DLG2: variants seen among roughly 807,000 people sequenced by gnomAD.
DLG2 encodes disks large homolog 2.
In DLG2, 45 loss-of-function variants were observed where a neutral mutation model predicts 132.5. That is an observed-to-expected ratio of 0.34 (90% CI 0.27 to 0.44). DLG2 has a LOEUF of 0.44. Ranked by LOEUF, DLG2 falls within the 20% of genes least tolerant of loss-of-function variation. The pLI, the probability that DLG2 is intolerant of heterozygous loss-of-function variation, is 1.00. For missense variants in DLG2, 1,045 were observed against 1,196.9 expected, an observed-to-expected ratio of 0.87 and a Z score of 1.87; for synonymous variants, 424 against 419.6, an observed-to-expected ratio of 1.01 and a Z score of -0.13.
At chr11:85,230,970 GC>G (rs1214674390) in intron 4 of DLG2, among the ~76,000 whole-genome samples, 1 of 151,912 alleles carries the variant, frequency 6.6e-6, no homozygotes, top group Non-Finnish European at 1.5e-5. Flanking sequence ...TACCAAATCT[GC>G]TGGAACTTTG....
At position 83,906,077 on chromosome 11, in the gene DLG2, CTCTCTA is replaced by C. The variant is rs1439671552; in HGVS notation, c.1496+24245_1496+24250del. 8.4e-3 allele frequency among the ~76,000 whole-genome samples: 817 copies of C among 97,090 alleles called. 4 individuals are homozygous for C. Among genetic ancestry groups the C allele is most frequent in the African/African-American group, 0.014 (294 of 21,414 alleles). 63.7% of individuals were successfully genotyped at this position (97,090 alleles called of 152,430 possible). A position where few individuals can be genotyped will look rare whatever the true frequency, so the allele number is the denominator to read the frequency against. On this transcript the variant is annotated intron_variant, in intron 15 of 27. Coordinates refer to ENST00000376104, the MANE Select transcript of DLG2 (RefSeq NM_001142699.3). The stretch of plus-strand genomic sequence containing the variant: ...TGTCTCTCTCTCTCTCTCTCTCTCT[CTCTCTA>C]TATATATATATATATATATATACAT...
chr11:84,986,309 A>G (rs1233312285), intron 6 of DLG2, among the ~76,000 whole-genome samples: 1 of 152,180 alleles, frequency 6.6e-6, no homozygotes, highest in Non-Finnish European at 1.5e-5. Flanking sequence ...ATGGTAATTT[A>G]AAAAACTCCA....
intron 5 of DLG2, among the ~76,000 whole-genome samples, chr11:85,152,855 G>C (rs1021933200): frequency 1.3e-5 from 2 of 152,160 alleles, no homozygotes; most frequent in Non-Finnish European, 2.9e-5. Flanking sequence ...CCCACCCATT[G>C]TGGTACTTGC....
At chr11:84,146,026 C>A (rs1351940261) in intron 9 of DLG2, among the ~76,000 whole-genome samples, 1 of 152,164 alleles carries the variant, frequency 6.6e-6, no homozygotes, top group Admixed American at 6.6e-5. Flanking sequence ...TTTGCACACA[C>A]AAAAGCCAGC....
intron 7 of DLG2, among the ~76,000 whole-genome samples, chr11:84,430,261 C>A (rs934560323): frequency 7.2e-5 from 11 of 151,868 alleles, no homozygotes; most frequent in African/African-American, 2.2e-4. Flanking sequence ...CATGGTGAAA[C>A]CCCATCTCTA....
At chr11:84,603,623 T>G (rs1240235811) in intron 6 of DLG2, among the ~76,000 whole-genome samples, 1 of 151,988 alleles carries the variant, frequency 6.6e-6, no homozygotes, top group Non-Finnish European at 1.5e-5. Flanking sequence ...TTCCTAGTTC[T>G]CAATCTCTGA....
intron 6 of DLG2, among the ~76,000 whole-genome samples, chr11:84,701,136 T>A (rs2153741896): frequency 6.6e-6 from 1 of 151,748 alleles, no homozygotes. Flanking sequence ...TGACTTAGAC[T>A]TTTTCTCCTG....
intron 7 of DLG2, among the ~76,000 whole-genome samples, chr11:84,499,835 G>T (rs1481003002): frequency 1.3e-5 from 2 of 151,846 alleles, no homozygotes; most frequent in African/African-American, 2.4e-5. Context: ...ATATCTGCTT[G>T]TCTGGCATAG....
chr11:84,923,184 C>T lies in DLG2; in HGVS notation c.357+188477G>A. 1 of 1,609,982 alleles carries T rather than the reference C, an allele frequency of 6.2e-7. No individual in the cohort carries two copies. On this transcript the variant is annotated intron_variant, in intron 6 of 27. Transcript: ENST00000376104. The stretch of plus-strand genomic sequence containing the variant: ...CAGCACAGCGCAAGCCCCACACACA[C>T]GATCCTGGGCATGTGCTACTAAAGA...
intron 4 of DLG2, among the ~76,000 whole-genome samples, chr11:85,277,983 C>T (rs117706103): frequency 3.9e-5 from 6 of 152,126 alleles, no homozygotes; most frequent in Non-Finnish European, 1.5e-5. Context: ...TGGCTCACAA[C>T]GACCTGAAGA....
At chr11:84,233,702 T>A (rs1385319967) in intron 8 of DLG2, among the ~76,000 whole-genome samples, 1 of 152,214 alleles carries the variant, frequency 6.6e-6, no homozygotes, top group Admixed American at 6.5e-5. Context: ...CACCAGCTCA[T>A]CTGTGAACCC....
intron 22 of DLG2, chr11:83,480,391 G>T (rs1205837506): frequency 6.5e-7 from 1 of 1,535,320 alleles, no homozygotes; most frequent in Non-Finnish European, 8.7e-7. Context: ...TTTCGCTATC[G>T]CTGGCATTAG....
intron 6 of DLG2, among the ~76,000 whole-genome samples, chr11:84,662,189 CTTTTTTTTTT>C (rs1191006822): frequency 8.3e-6 from 1 of 120,700 alleles, no homozygotes; most frequent in East Asian, 2.5e-4. Context: ...CTTTGTAAAT[CTTTTTTTTTT>C]TTTTTTTTTT....
intron 6 of DLG2, among the ~76,000 whole-genome samples, chr11:84,864,973 A>G (rs1277340472): frequency 6.6e-6 from 1 of 152,166 alleles, no homozygotes; most frequent in East Asian, 1.9e-4. Flanking sequence ...CACAGGAGTA[A>G]TATACCAAGA....
At chr11:84,311,392 A>G (rs994925011) in intron 7 of DLG2, among the ~76,000 whole-genome samples, 9 of 152,184 alleles carry the variant, frequency 5.9e-5, no homozygotes, top group Non-Finnish European at 1.2e-4. Flanking sequence ...TTCTTATAAC[A>G]TTTCCCTGCA....
chr11:83,923,382 G>A (rs1310606143), intron 15 of DLG2, among the ~76,000 whole-genome samples: 1 of 152,096 alleles, frequency 6.6e-6, no homozygotes, highest in African/African-American at 2.4e-5. Context: ...GGCTCTGAGG[G>A]TGGTAACATG....
intron 6 of DLG2, among the ~76,000 whole-genome samples, chr11:85,063,663 G>A (rs1233696337): frequency 2.6e-5 from 4 of 151,770 alleles, no homozygotes; most frequent in Non-Finnish European, 5.9e-5. Context: ...CCTCTAACTT[G>A]CGTGCAGCTA....
intron 16 of DLG2, among the ~76,000 whole-genome samples, chr11:83,858,865 T>G (rs1252380950): frequency 6.6e-6 from 1 of 152,226 alleles, no homozygotes; most frequent in Non-Finnish European, 1.5e-5. Context: ...ATTGACATAT[T>G]GGAATACACA....
intron 6 of DLG2, among the ~76,000 whole-genome samples, chr11:84,761,800 A>G (rs1335030757): frequency 6.6e-6 from 1 of 152,124 alleles, no homozygotes; most frequent in Non-Finnish European, 1.5e-5. Context: ...CAGAGGGCCT[A>G]TTCTGGGACT....
Sources: allele counts gnomAD v4.1 joint callset (sites outside exome capture counted in the v4.1 genomes callset), GRCh38; gene constraint gnomAD v4.1.1; transcripts MANE v1.5; gene names NCBI Gene and HGNC (gene_info 2026-07-23, HGNC 2026-07-21).